Variants in NRXN1 observed in about 807,000 individuals in gnomAD.
NRXN1 encodes the protein neurexin 1.
In NRXN1, 39 loss-of-function variants were observed where a neutral mutation model predicts 150.9. The ratio of observed to expected loss-of-function variants is 0.26; its 90% CI spans 0.20 to 0.34. The LOEUF (loss-of-function observed/expected upper bound fraction) is 0.34. NRXN1 is among the 10% of genes least tolerant of loss of function. The pLI is 1.00. For synonymous variants in NRXN1, 924 were observed against 757.0 expected (o/e 1.22, Z -3.62); for missense variants, 1,815 against 1,949.9 (o/e 0.93, Z 1.30).
intron 17 of NRXN1, among the ~76,000 whole-genome samples, chr2:50,343,691 G>A (rs973021845): frequency 1.3e-5 from 2 of 152,180 alleles, no homozygotes; most frequent in Non-Finnish European, 2.9e-5. Flanking sequence ...CCTCATAATA[G>A]TGCAAATGAA....
intron 5 of NRXN1, among the ~76,000 whole-genome samples, chr2:50,758,731 G>C (rs1338842038): frequency 1.3e-5 from 2 of 151,884 alleles, no homozygotes; most frequent in African/African-American, 4.8e-5. Flanking sequence ...GGTCCACACA[G>C]ATCCTGTGGA....
intron 5 of NRXN1, among the ~76,000 whole-genome samples, chr2:50,865,658 GTTTTTTTTTT>G (rs71404978): frequency 7.4e-4 from 31 of 41,868 alleles, no homozygotes; most frequent in African/African-American, 2.8e-3. Flanking sequence ...GCATTTGAAA[GTTTTTTTTTT>G]TTTTTTTTTT....
At chr2:50,877,408 T>C (rs1035969906) in intron 5 of NRXN1, among the ~76,000 whole-genome samples, 17 of 151,916 alleles carry the variant, frequency 1.1e-4, no homozygotes, top group African/African-American at 3.9e-4. Context: ...TAGAAAATTC[T>C]ACTTTAGCAG....
chr2:50,890,276 T>A (rs933488368), intron 5 of NRXN1, among the ~76,000 whole-genome samples: 10 of 151,862 alleles, frequency 6.6e-5, no homozygotes, highest in Non-Finnish European at 1.5e-4. Flanking sequence ...AGTGAAACTC[T>A]AACCTTAAAA....
At chr2:51,022,733 A>C (rs1669822451) in intron 2 of NRXN1, among the ~76,000 whole-genome samples, 1 of 152,288 alleles carries the variant, frequency 6.6e-6, no homozygotes, top group African/African-American at 2.4e-5. Context: ...ATAACTACTT[A>C]AATGAAAACA....
At chr2:50,411,362 A>C (rs539091891) in intron 17 of NRXN1, among the ~76,000 whole-genome samples, 61 of 152,094 alleles carry the variant, frequency 4.0e-4, no homozygotes, top group African/African-American at 1.5e-3. Context: ...CAGTGGCGTG[A>C]TCTCGGCTCG....
chr2:50,910,913 T>C (rs1378239070), intron 5 of NRXN1, among the ~76,000 whole-genome samples: 1 of 151,826 alleles, frequency 6.6e-6, no homozygotes, highest in Admixed American at 6.6e-5. Flanking sequence ...TGCACAGATC[T>C]CACTGGGGCT....
In NRXN1 at chr2:50,503,614, G is replaced by T. The variant is rs145783072; in HGVS notation, c.2497+2881C>A. The stretch of plus-strand genomic sequence containing the variant: ...AAGGGAGAGAGAAGGAAGAGCCCTT[G>T]CTTACAGCAGAATGCTAAGCATTGA... On this transcript the variant is annotated intron_variant, in intron 13 of 22. Transcript: ENST00000401669. Among the ~76,000 whole-genome samples the T allele has an allele frequency of 5.9e-5, 9 of 152,228 alleles. No individual in the cohort carries two copies. In the East Asian group the frequency reaches 1.7e-3, roughly 29 times the overall value.
intron 17 of NRXN1, among the ~76,000 whole-genome samples, chr2:50,329,294 C>G (rs1271263857): frequency 6.6e-6 from 1 of 151,854 alleles, no homozygotes; most frequent in East Asian, 1.9e-4. Context: ...GGCAAATCCA[C>G]ATGTGAAGAT....
rs1338188440 is a variant in NRXN1 at position 50,166,817 on chromosome 2, GA to G, written c.3546+69971del. On this transcript the variant is annotated intron_variant, in intron 18 of 22. Coordinates refer to ENST00000401669, the MANE Select transcript of NRXN1 (RefSeq NM_001330078.2). Reference sequence around the variant, plus strand: ...GAATTTTGAATCCTTATTAGAATCTGAAAAAAAATCTCAGAGGCTAATCACA... The same window carrying G: ...GAATTTTGAATCCTTATTAGAATCTGAAAAAAATCTCAGAGGCTAATCACA... Among the ~76,000 whole-genome samples the G allele has an allele frequency of 2.6e-5, 4 of 151,706 alleles. No homozygotes were observed. In the East Asian group the frequency reaches 5.8e-4, roughly 22 times the overall value.
intron 2 of NRXN1, among the ~76,000 whole-genome samples, chr2:50,936,116 G>A (rs1688507788): frequency 6.6e-6 from 1 of 152,088 alleles, no homozygotes; most frequent in Admixed American, 6.6e-5. Flanking sequence ...AAGCATATGA[G>A]CTGTTGTTTG....
intron 17 of NRXN1, chr2:50,417,195 T>C (rs558659917): frequency 6.6e-6 from 1 of 152,228 alleles, no homozygotes; most frequent in Non-Finnish European, 1.5e-5. Context: ...TATCTGTATC[T>C]GCCTGCCTCC....
chr2:50,096,132 T>C (rs930728852), intron 18 of NRXN1, among the ~76,000 whole-genome samples: 1 of 151,984 alleles, frequency 6.6e-6, no homozygotes, highest in Admixed American at 6.6e-5. Context: ...GCTATCAAAA[T>C]AAGGGTTCAA....
chr2:50,981,557 G>GATTGTCTCTTCAGCCATTTGTATTACC (rs1696818768), intron 2 of NRXN1, among the ~76,000 whole-genome samples: 1 of 150,734 alleles, frequency 6.6e-6, no homozygotes, highest in Admixed American at 6.6e-5. Context: ...TTTGTATTAC[G>GATTGTCTCTTCAGCCATTTGTATTACC]TATTAATTTT....
At chr2:49,992,719 C>T (rs11689893) in intron 21 of NRXN1, among the ~76,000 whole-genome samples, 23,876 of 152,020 alleles carry the variant, frequency 0.16, 2,391 homozygotes, top group East Asian at 0.36. Context: ...ACTCGTAAAA[C>T]TCAACAATGA....
chr2:50,885,848 C>G (rs1022813895), intron 5 of NRXN1, among the ~76,000 whole-genome samples: 1 of 151,114 alleles, frequency 6.6e-6, no homozygotes, highest in Non-Finnish European at 1.5e-5. Context: ...CACACACACA[C>G]ACACGTCTAT....
At chr2:50,260,662 C>CTGT (rs2068173329) in intron 17 of NRXN1, among the ~76,000 whole-genome samples, 1 of 124,382 alleles carries the variant, frequency 8.0e-6, no homozygotes, top group South Asian at 2.6e-4. Flanking sequence ...AAGAAGCCGT[C>CTGT]TTACAGAGTT....
At chr2:50,329,663 ATATATATATATTTTT>A (rs1388157147) in intron 17 of NRXN1, among the ~76,000 whole-genome samples, 34 of 28,718 alleles carry the variant, frequency 1.2e-3, no homozygotes, top group African/African-American at 6.0e-3. Context: ...ATATATATAT[ATATATATATATTTTT>A]TTTTTTCCCC....
At chr2:50,488,615 G>A (rs982677922) in intron 15 of NRXN1, among the ~76,000 whole-genome samples, 4 of 152,062 alleles carry the variant, frequency 2.6e-5, no homozygotes, top group African/African-American at 4.8e-5. Flanking sequence ...GTTCTTGTCC[G>A]TGGGTTCCTG....
Sources: allele counts gnomAD v4.1 joint callset (sites outside exome capture counted in the v4.1 genomes callset), GRCh38; gene constraint gnomAD v4.1.1; transcripts MANE v1.5; gene names NCBI Gene and HGNC (gene_info 2026-07-23, HGNC 2026-07-21).